The following RIOK1 variants were observed in gnomAD, a reference collection of about 807,000 sequenced individuals.
RIOK1 encodes the protein serine/threonine-protein kinase RIO1.
A neutral mutation model predicts 73.5 loss-of-function variants in RIOK1; 66 were observed. That is an observed-to-expected ratio of 0.90 (90% CI 0.74 to 1.10). The LOEUF is 1.10. RIOK1 is among the 50% of genes least tolerant of loss of function. The pLI is 0.00. For missense variants in RIOK1, 658 were observed against 699.8 expected, an observed-to-expected ratio of 0.94 and a Z score of 0.67; for synonymous variants, 224 against 226.8, an observed-to-expected ratio of 0.99 and a Z score of 0.11.
At chr6:7,396,304 A>G (rs1437257370) in intron 3 of RIOK1, among the ~76,000 whole-genome samples, 1 of 152,254 alleles carries the variant, frequency 6.6e-6, no homozygotes, top group Non-Finnish European at 1.5e-5. Context: ...TAAGTATTTT[A>G]GGGCCTTCTT....
chr6:7,399,910 A>G (rs1386140061), intron 5 of RIOK1, among the ~76,000 whole-genome samples: 1 of 152,194 alleles, frequency 6.6e-6, no homozygotes, highest in Admixed American at 6.5e-5. Context: ...GACCCCAGCC[A>G]CTTCATTGAA....
At chr6:7,412,499 A>G (rs1406392386) in intron 14 of RIOK1, among the ~76,000 whole-genome samples, 1 of 152,136 alleles carries the variant, frequency 6.6e-6, no homozygotes, top group East Asian at 1.9e-4. Context: ...TACTAAAAAT[A>G]TAAAAATTAG....
At chr6:7,402,031 T>C (rs1408139600) in intron 6 of RIOK1, among the ~76,000 whole-genome samples, 1 of 152,194 alleles carries the variant, frequency 6.6e-6, no homozygotes, top group Non-Finnish European at 1.5e-5. Context: ...ACTTGAGATA[T>C]AAAAAAGTTT....
rs867318146 is a variant in RIOK1 at position 7,404,465 on chromosome 6, G to A, written c.902G>A (p.Arg301Gln). 14 of 1,613,988 alleles carry A rather than the reference G, an allele frequency of 8.7e-6. No homozygotes were observed. Among genetic ancestry groups the A allele is most frequent in the African/African-American group, 5.3e-5 (4 of 74,932 alleles). ...GTCCAGTTATCAGAATCCAAGGCTC[G>A]GGAGTTGTACCTGCAGGTCATTCAG... ...KNVQLSESKA[R>Q]ELYLQVIQYM... is the part of the protein sequence containing the mutation. Residue 301 changes from arginine (R) to glutamine (Q), a missense_variant, in exon 10 of 17, where the codon CGG becomes CAG. Physicochemically the swap from Arg to Gln is conservative, Grantham distance 43. Transcript: ENST00000379834.
At chr6:7,417,149 G>T (rs1222624884) in intron 16 of RIOK1, among the ~76,000 whole-genome samples, 182 bp from the exon 17 acceptor site, 3 of 151,790 alleles carry the variant, frequency 2.0e-5, no homozygotes, top group Non-Finnish European at 4.4e-5. Context: ...TACCCAGGAG[G>T]CTGAGGTGGG....
At chr6:7,417,291 C>G in intron 16 of RIOK1, 40 bp from the exon 17 acceptor site, 1 of 1,318,568 alleles carries the variant, frequency 7.6e-7, no homozygotes, top group Non-Finnish European at 1.0e-6. Flanking sequence ...ATGCATACTC[C>G]AAATGAATGA....
At chr6:7,391,052 G>A (rs990287463) in intron 1 of RIOK1, among the ~76,000 whole-genome samples, 11 of 152,094 alleles carry the variant, frequency 7.2e-5, no homozygotes, top group Non-Finnish European at 1.5e-4. Context: ...GGGGAAAGAG[G>A]GATGAAGGAT....
chr6:7,396,377 G>T (rs1484990334), intron 3 of RIOK1, among the ~76,000 whole-genome samples: 1 of 152,104 alleles, frequency 6.6e-6, no homozygotes, highest in Non-Finnish European at 1.5e-5. Flanking sequence ...TGAAATTCAG[G>T]CAGTTTTATT....
chr6:7,405,791 CT>C (rs1195811408), intron 12 of RIOK1, among the ~76,000 whole-genome samples: 2,355 of 120,018 alleles, frequency 0.02, 47 homozygotes, highest in African/African-American at 0.054. Context: ...TTTTTTTTTC[CT>C]TTTTTTTTTT....
intron 13 of RIOK1, among the ~76,000 whole-genome samples, 159 bp downstream of exon 13, chr6:7,410,610 G>T (rs528666868): frequency 6.6e-6 from 1 of 152,076 alleles, no homozygotes; most frequent in South Asian, 2.1e-4. Context: ...TGATTTAAGT[G>T]AGCCAAGTTG....
intron 2 of RIOK1, among the ~76,000 whole-genome samples, chr6:7,393,634 A>G (rs925331036): frequency 1.3e-5 from 2 of 152,378 alleles, no homozygotes; most frequent in Non-Finnish European, 2.9e-5. Flanking sequence ...GTAATTAAAG[A>G]AATGCAGATT....
At chr6:7,403,421 T>C (rs2113513928) in intron 8 of RIOK1, among the ~76,000 whole-genome samples, 1 of 152,332 alleles carries the variant, frequency 6.6e-6, no homozygotes, top group Non-Finnish European at 1.5e-5. Context: ...GGTAAAGGCC[T>C]CATCTAGTTG....
chr6:7,408,110 C>A (rs544861845), intron 12 of RIOK1, among the ~76,000 whole-genome samples: 21 of 152,336 alleles, frequency 1.4e-4, no homozygotes, highest in African/African-American at 4.1e-4. Flanking sequence ...AATCTCAGCT[C>A]ACTGTAACCT....
chr6:7,416,332 G>T (rs1156325526), intron 16 of RIOK1, among the ~76,000 whole-genome samples: 1 of 152,194 alleles, frequency 6.6e-6, no homozygotes, highest in African/African-American at 2.4e-5. Context: ...GGATATTTCT[G>T]TTTGGCTGTC....
intron 6 of RIOK1, 93 bp from the exon 7 acceptor site, chr6:7,402,510 A>T: frequency 2.5e-6 from 2 of 812,186 alleles, no homozygotes; most frequent in Non-Finnish European, 3.9e-6. Context: ...ATGTTATTTC[A>T]GTTCACTTGA....
At chr6:7,402,091 C>G (rs1365883469) in intron 6 of RIOK1, among the ~76,000 whole-genome samples, 2 of 152,132 alleles carry the variant, frequency 1.3e-5, no homozygotes, top group Non-Finnish European at 2.9e-5. Context: ...TACAGTCTTG[C>G]ATTGCTTAAT....
In RIOK1 at chr6:7,410,390, T is replaced by C; in HGVS notation, c.1208T>C (p.Met403Thr). The C allele has an allele frequency of 6.2e-7, 1 of 1,610,788 alleles. No homozygotes were observed. Among genetic ancestry groups the C allele is most frequent in the Non-Finnish European group, 8.5e-7 (1 of 1,177,168 alleles). The change falls in exon 13 of 17, where the codon ATG becomes ACG. Residue 403 changes from methionine (M) to threonine (T), a missense_variant. Coordinates refer to ENST00000379834, the MANE Select transcript of RIOK1 (RefSeq NM_031480.3). ...ENMDAYLSKA[M>T]EIASQRTKEE... ...CATTTTTGTTTTCTTTCCAAGGCCATGGAAATAGCATCTCAAAGGACCAAG... is the reference window on the plus strand; with the variant it reads ...CATTTTTGTTTTCTTTCCAAGGCCACGGAAATAGCATCTCAAAGGACCAAG...
chr6:7,415,377 G>A (rs2113533226), intron 16 of RIOK1, among the ~76,000 whole-genome samples: 1 of 151,964 alleles, frequency 6.6e-6, no homozygotes, highest in East Asian at 1.9e-4. Flanking sequence ...ACGCCAGCCT[G>A]GGTGACAGAG....
At chr6:7,417,065 G>A (rs78006661) in intron 16 of RIOK1, among the ~76,000 whole-genome samples, 2,881 of 151,842 alleles carry the variant, frequency 0.019, 114 homozygotes, top group African/African-American at 0.064. Context: ...GCAATCTGGC[G>A]AAGCCCCATC....
Sources: gnomAD v4.1 joint callset for allele counts (sites outside exome capture counted in the v4.1 genomes callset) on GRCh38, gnomAD v4.1.1 for gene constraint, MANE v1.5 for transcripts, NCBI Gene and HGNC (gene_info 2026-07-23, HGNC 2026-07-21) for gene names.